Variants in KCNH5 observed in about 807,000 individuals in gnomAD.
KCNH5 encodes the protein potassium voltage-gated channel subfamily H member 5.
In KCNH5, 46 loss-of-function variants were observed where a neutral mutation model predicts 96.1. That is an observed-to-expected ratio of 0.48 (90% confidence interval 0.38 to 0.61). The LOEUF is 0.61. Among genes scored for constraint, KCNH5 ranks in the 20% least tolerant of loss-of-function variants. The pLI is 0.00. For missense variants in KCNH5, 907 were observed against 1,225.8 expected (o/e 0.74, Z 3.88); for synonymous variants, 439 against 449.8 (o/e 0.98, Z 0.30).
intron 9 of KCNH5, among the ~76,000 whole-genome samples, chr14:62,794,797 C>A (rs960304420): frequency 7.9e-5 from 12 of 152,006 alleles, no homozygotes; most frequent in African/African-American, 2.7e-4. Context: ...TCTTTAAATC[C>A]CTTTTAATTC....
chr14:62,752,638 C>T (rs1009837705), intron 10 of KCNH5, among the ~76,000 whole-genome samples: 7 of 152,036 alleles, frequency 4.6e-5, no homozygotes, highest in African/African-American at 1.7e-4. Context: ...CTCTGTGTCC[C>T]CACCCAAATC....
Position 62,964,476 on chromosome 14 carries a change from G to GAC in KCNH5, c.943-13919_943-13918dup, listed in dbSNP as rs111788496. Among the ~76,000 whole-genome samples the GAC allele has an allele frequency of 2.0e-3, 296 of 150,744 alleles. 1 individual carries two copies. Among genetic ancestry groups the GAC allele is most frequent in the African/African-American group, 4.0e-3 (163 of 41,144 alleles). Reference sequence around the variant, plus strand: ...ATCACTAGCTGAAATTATACTCACAGACACACACACACACACAATTTAAAC... The same window carrying GAC: ...ATCACTAGCTGAAATTATACTCACAGACACACACACACACACACAATTTAAAC... On this transcript the variant is annotated intron_variant, in intron 6 of 10. Coordinates refer to ENST00000322893, the MANE Select transcript of KCNH5 (RefSeq NM_139318.5).
chr14:62,984,839 T>C (rs1295439888), intron 5 of KCNH5, among the ~76,000 whole-genome samples: 1 of 152,214 alleles, frequency 6.6e-6, no homozygotes, highest in Non-Finnish European at 1.5e-5. Flanking sequence ...GGAAAGTTTC[T>C]TTCTTTTCCG....
intron 7 of KCNH5, among the ~76,000 whole-genome samples, chr14:62,921,346 T>C (rs188063489): frequency 1.3e-5 from 2 of 152,236 alleles, no homozygotes; most frequent in Admixed American, 1.3e-4. Flanking sequence ...TTCTTTAAAA[T>C]ACAGGAAAGT....
chr14:62,835,598 A>C (rs180741443), intron 8 of KCNH5, among the ~76,000 whole-genome samples: 71 of 152,164 alleles, frequency 4.7e-4, no homozygotes, highest in Middle Eastern at 3.4e-3. Context: ...ATGGAAGTGT[A>C]AGCTTTAGTC....
chr14:63,009,617 G>A (rs986330290), intron 2 of KCNH5, among the ~76,000 whole-genome samples: 1 of 152,138 alleles, frequency 6.6e-6, no homozygotes, highest in African/African-American at 2.4e-5. Flanking sequence ...AGACTATAAA[G>A]AATGTCAGAA....
chr14:62,899,734 T>G (rs1312301028), intron 7 of KCNH5, among the ~76,000 whole-genome samples: 1 of 149,636 alleles, frequency 6.7e-6, no homozygotes, highest in African/African-American at 2.5e-5. Flanking sequence ...CTTGGGAGGC[T>G]GAGGCAGGAG....
chr14:62,840,084 T>G (rs1413153344), intron 8 of KCNH5, among the ~76,000 whole-genome samples: 1 of 152,160 alleles, frequency 6.6e-6, no homozygotes, highest in East Asian at 1.9e-4. Flanking sequence ...TATGTTTATT[T>G]CTATTTATCA....
intron 6 of KCNH5, among the ~76,000 whole-genome samples, chr14:62,979,459 T>C (rs1890565589): frequency 6.6e-6 from 1 of 152,004 alleles, no homozygotes; most frequent in Non-Finnish European, 1.5e-5. Flanking sequence ...TTATAGTTGG[T>C]TGAACGTAAA....
chr14:62,751,498 A>G (rs529062110), intron 10 of KCNH5, among the ~76,000 whole-genome samples: 29 of 152,304 alleles, frequency 1.9e-4, no homozygotes, highest in African/African-American at 6.5e-4. Flanking sequence ...TATTTCGGCC[A>G]TCATTGGTTC....
rs755114716 is a variant in KCNH5 at position 62,750,454 on chromosome 14, G to T, written c.2019+29274C>A. Among the ~76,000 whole-genome samples, 20 of 152,184 alleles carry T rather than the reference G, an allele frequency of 1.3e-4. 1 individual carries two copies. Among genetic ancestry groups the T allele is most frequent in the South Asian group, 2.1e-4 (1 of 4,820 alleles). On this transcript the variant is annotated intron_variant, in intron 10 of 10. Transcript: ENST00000322893. ...TTCCTCTTCAGTATATCTAGGGTCT[G>T]TCATTGCCGTGGCTGAGGGTACAAA... is the stretch of plus-strand genomic sequence containing the variant.
intron 7 of KCNH5, among the ~76,000 whole-genome samples, chr14:62,925,398 T>C (rs1358277075): frequency 6.6e-6 from 1 of 152,050 alleles, no homozygotes; most frequent in African/African-American, 2.4e-5. Flanking sequence ...TATTTAACTC[T>C]TCATCTAAAT....
intron 7 of KCNH5, among the ~76,000 whole-genome samples, chr14:62,865,787 A>G (rs1888123717): frequency 6.6e-6 from 1 of 152,330 alleles, no homozygotes; most frequent in East Asian, 1.9e-4. Context: ...TATTTCCTAG[A>G]GCTACCTTGT....
At chr14:62,760,121 C>G (rs917495741) in intron 10 of KCNH5, among the ~76,000 whole-genome samples, 5 of 152,148 alleles carry the variant, frequency 3.3e-5, no homozygotes, top group African/African-American at 1.2e-4. Flanking sequence ...CTCCTGCTCA[C>G]CTTTGCTGGC....
At chr14:62,883,402 G>A (rs1462054828) in intron 7 of KCNH5, among the ~76,000 whole-genome samples, 1 of 152,164 alleles carries the variant, frequency 6.6e-6, no homozygotes, top group Admixed American at 6.5e-5. Context: ...GGGTGATTAT[G>A]ATTAACTAGG....
intron 8 of KCNH5, among the ~76,000 whole-genome samples, chr14:62,814,782 C>CAAAAAAAAAAAAAAAAAAAAAAAAAA (rs71120235): frequency 3.0e-5 from 1 of 33,758 alleles, no homozygotes; most frequent in Non-Finnish European, 4.7e-5. Context: ...GACTCCATCT[C>CAAAAAAAAAAAAAAAAAAAAAAAAAA]AAAAAAAAAA....
At chr14:62,735,220 TATA>T in intron 10 of KCNH5, among the ~76,000 whole-genome samples, 1 of 152,126 alleles carries the variant, frequency 6.6e-6, no homozygotes, top group Admixed American at 6.6e-5. Flanking sequence ...GAAGAGTAGA[TATA>T]ATCAAACCAA....
intron 7 of KCNH5, among the ~76,000 whole-genome samples, chr14:62,861,626 C>T (rs1050551753): frequency 7.0e-6 from 1 of 143,368 alleles, no homozygotes; most frequent in African/African-American, 2.8e-5. Flanking sequence ...TTTCCCCCCA[C>T]CATCTCCATT....
Position 62,708,584 on chromosome 14 carries a change from AGAAAAAAAAATTTAAATACCATTTATG to A in KCNH5, c.2020-156_2020-130del, listed in dbSNP as rs1884496046. ...GAATATTTGATAAGATTATTTCTCAAGAAAAAAAAATTTAAATACCATTTATGGAATTGCATTTATGAAATTTATGGA... is the reference window on the plus strand; with the variant it reads ...GAATATTTGATAAGATTATTTCTCAAGAATTGCATTTATGAAATTTATGGA... On this transcript the variant is annotated intron_variant, in intron 10 of 10. Coordinates refer to ENST00000322893, the MANE Select transcript of KCNH5 (RefSeq NM_139318.5). 6.9e-6 allele frequency: 4 copies of A among 581,216 alleles called. No individual in the cohort carries two copies. The South Asian group carries it at 1.5e-4, about 22-fold the overall frequency. 36.0% of individuals were successfully genotyped at this position (581,216 alleles called of 1,614,324 possible).
Sources: gnomAD v4.1 joint callset for allele counts (sites outside exome capture counted in the v4.1 genomes callset) on GRCh38, gnomAD v4.1.1 for gene constraint, MANE v1.5 for transcripts, NCBI Gene and HGNC (gene_info 2026-07-23, HGNC 2026-07-21) for gene names.